Variants in ULK4 observed in about 807,000 individuals in gnomAD.
ULK4 encodes the protein inactive serine/threonine-protein kinase ULK4.
Under a neutral mutation model 160.6 loss-of-function variants are expected in ULK4, and 133 were observed. That is an observed-to-expected ratio of 0.83 (90% CI 0.72 to 0.96). The LOEUF (loss-of-function observed/expected upper bound fraction) is 0.96, where lower values mean the gene tolerates loss of function less well. Ranked by LOEUF, ULK4 falls within the 40% of genes least tolerant of loss-of-function variation. The pLI is 0.00. For missense variants in ULK4, 1,580 were observed against 1,499.5 expected (o/e 1.05, Z -0.89); for synonymous variants, 534 against 539.8 (o/e 0.99, Z 0.15).
At chr3:41,853,628 C>T (rs1395502946) in intron 17 of ULK4, among the ~76,000 whole-genome samples, 1 of 152,182 alleles carries the variant, frequency 6.6e-6, no homozygotes, top group African/African-American at 2.4e-5. Context: ...ACTACTGAAA[C>T]AACTGCAGCC....
intron 19 of ULK4, among the ~76,000 whole-genome samples, chr3:41,804,056 G>T (rs956792108): frequency 1.3e-5 from 2 of 151,944 alleles, no homozygotes; most frequent in Admixed American, 6.5e-5. Context: ...CTCAGGAATT[G>T]CCACACTGAC....
chr3:41,699,040 A>T (rs1167244224), intron 27 of ULK4, among the ~76,000 whole-genome samples: 2 of 152,158 alleles, frequency 1.3e-5, no homozygotes, highest in African/African-American at 4.8e-5. Context: ...TAGACTGTTG[A>T]TGGGAATTTG....
chr3:41,614,913 T>C (rs1325433531), intron 31 of ULK4, among the ~76,000 whole-genome samples: 2 of 152,174 alleles, frequency 1.3e-5, no homozygotes, highest in African/African-American at 2.4e-5. Flanking sequence ...GCCCCCTCTG[T>C]TGTGCCTTGT....
chr3:41,274,071 T>C (rs1352112793), intron 35 of ULK4, among the ~76,000 whole-genome samples: 6 of 152,130 alleles, frequency 3.9e-5, no homozygotes, highest in Non-Finnish European at 8.8e-5. Context: ...ACACCCTCCA[T>C]ATGCTGTGGC....
rs535691190 is a variant in ULK4 at position 41,667,294 on chromosome 3, T to C, written c.2979-3595A>G. ...AATAAAGCTTATACTAGCTTGTGCA[T>C]AAGAATTTTCATAAAGAATATCGTT... On this transcript the variant is annotated intron_variant, in intron 29 of 36. Coordinates refer to ENST00000301831, the MANE Select transcript of ULK4 (RefSeq NM_017886.4). 1.8e-3 allele frequency among the ~76,000 whole-genome samples: 278 copies of C among 152,318 alleles called. 2 individuals are homozygous for C. The highest frequency in any genetic ancestry group is 8.3e-3 in the South Asian group (40 of 4,828).
At chr3:41,630,016 T>C (rs1177941696) in intron 30 of ULK4, among the ~76,000 whole-genome samples, 1 of 152,116 alleles carries the variant, frequency 6.6e-6, no homozygotes, top group Non-Finnish European at 1.5e-5. Context: ...CCAGTCTGAG[T>C]AGCACTAGCC....
chr3:41,762,344 T>C lies in ULK4; in HGVS notation c.2194-7856A>G, dbSNP rs918427564. ...TGTTCTTTATTTCCATGAGTTCAAC[T>C]GTTTTAATTTTTAGCTCTATCTACC... On this transcript the variant is annotated intron_variant, in intron 21 of 36. Coordinates refer to ENST00000301831, the MANE Select transcript of ULK4 (RefSeq NM_017886.4). 3.9e-5 allele frequency among the ~76,000 whole-genome samples: 6 copies of C among 152,304 alleles called. No individual in the cohort carries two copies. In the East Asian group the frequency reaches 1.2e-3, roughly 29 times the overall value.
intron 32 of ULK4, among the ~76,000 whole-genome samples, chr3:41,528,037 C>G (rs2086179687): frequency 6.6e-6 from 1 of 152,140 alleles, no homozygotes; most frequent in Non-Finnish European, 1.5e-5. Context: ...CACTACAGAA[C>G]TGGGACTAAG....
intron 2 of ULK4, among the ~76,000 whole-genome samples, chr3:41,953,300 ATATATTTTTT>A (rs1559673871): frequency 1.8e-5 from 2 of 112,002 alleles, no homozygotes; most frequent in Middle Eastern, 4.3e-3. Flanking sequence ...ATATATATAT[ATATATTTTTT>A]TTTTTTTTTG....
At chr3:41,461,942 C>T (rs773550701) in intron 33 of ULK4, among the ~76,000 whole-genome samples, 53 of 152,144 alleles carry the variant, frequency 3.5e-4, no homozygotes, top group Non-Finnish European at 7.2e-4. Context: ...AGGAGAAATA[C>T]ATAATTAGCA....
chr3:41,344,432 T>A (rs1258934024), intron 35 of ULK4, among the ~76,000 whole-genome samples: 3 of 152,050 alleles, frequency 2.0e-5, no homozygotes, highest in African/African-American at 7.2e-5. Flanking sequence ...GATTTCATCA[T>A]GAAAACACCA....
At chr3:41,757,207 T>C (rs73071307) in intron 21 of ULK4, among the ~76,000 whole-genome samples, 18,563 of 152,168 alleles carry the variant, frequency 0.12, 1,315 homozygotes, top group Middle Eastern at 0.27. Context: ...GAATATCACA[T>C]TAACCAAGGA....
At chr3:41,392,530 A>G (rs982262248) in intron 35 of ULK4, among the ~76,000 whole-genome samples, 11 of 152,166 alleles carry the variant, frequency 7.2e-5, no homozygotes, top group Admixed American at 2.6e-4. Context: ...ATGGTTTACC[A>G]GTCACTGACA....
intron 32 of ULK4, among the ~76,000 whole-genome samples, chr3:41,482,704 T>C (rs1413374799): frequency 6.6e-6 from 1 of 152,180 alleles, no homozygotes; most frequent in Non-Finnish European, 1.5e-5. Context: ...TTCACTCCCT[T>C]TTCCCTTTCT....
At chr3:41,613,155 G>C (rs1398754888) in intron 31 of ULK4, among the ~76,000 whole-genome samples, 1 of 152,064 alleles carries the variant, frequency 6.6e-6, no homozygotes, top group Non-Finnish European at 1.5e-5. Flanking sequence ...CACCACCAAG[G>C]CCCTCAAACT....
chr3:41,485,574 CTT>C (rs1199803134), intron 32 of ULK4, among the ~76,000 whole-genome samples: 2 of 152,194 alleles, frequency 1.3e-5, no homozygotes, highest in East Asian at 3.9e-4. Context: ...CCATGACAAT[CTT>C]TTACTTCAGT....
intron 32 of ULK4, among the ~76,000 whole-genome samples, chr3:41,563,849 A>T (rs1484971353): frequency 6.6e-6 from 1 of 152,174 alleles, no homozygotes; most frequent in Non-Finnish European, 1.5e-5. Flanking sequence ...GACCTTTTGA[A>T]GTCTACTTCT....
chr3:41,715,394 T>C (rs1168981167), intron 24 of ULK4, 53 bp downstream of exon 24: 1 of 1,613,152 alleles, frequency 6.2e-7, no homozygotes, highest in Admixed American at 1.7e-5. Context: ...CAGCTCCAGT[T>C]TACAAAGAGA....
intron 34 of ULK4, among the ~76,000 whole-genome samples, chr3:41,421,835 G>T (rs1333979298): frequency 6.6e-6 from 1 of 152,104 alleles, no homozygotes; most frequent in Non-Finnish European, 1.5e-5. Flanking sequence ...CACAGGAGTT[G>T]TCTACTTCTT....
Sources: allele counts gnomAD v4.1 joint callset (sites outside exome capture counted in the v4.1 genomes callset), GRCh38; gene constraint gnomAD v4.1.1; transcripts MANE v1.5; gene names NCBI Gene and HGNC (gene_info 2026-07-23, HGNC 2026-07-21).